Variants in MTUS1 observed in about 807,000 individuals in gnomAD.
MTUS1 encodes the protein microtubule associated scaffold protein 1, also known as microtubule-associated tumor suppressor 1.
In MTUS1, 109 loss-of-function variants were observed where a neutral mutation model predicts 120.8. The ratio of observed to expected loss-of-function variants is 0.90; its 90% CI spans 0.77 to 1.06. The LOEUF is 1.06. MTUS1 is among the 50% of genes least tolerant of loss of function. MTUS1 has a pLI of 0.00. For synonymous variants in MTUS1, 737 were observed against 550.5 expected (o/e 1.34, Z -4.74); for missense variants, 2,210 against 1,486.3 (o/e 1.49, Z -8.01).
chr8:17,676,468 C>G (rs982217846), intron 7 of MTUS1: 1 of 637,290 alleles, frequency 1.6e-6, no homozygotes, highest in African/African-American at 1.8e-5. Flanking sequence ...GGGCGTCTTA[C>G]TTCATGTCCT....
At chr8:17,739,229 C>T (rs2047140946) in intron 3 of MTUS1, among the ~76,000 whole-genome samples, 2 of 152,260 alleles carry the variant, frequency 1.3e-5, no homozygotes, top group South Asian at 4.1e-4. Context: ...CGCGGTGGCT[C>T]ACTCCTGTAA....
chr8:17,761,677 A>G (rs555558398), intron 1 of MTUS1, among the ~76,000 whole-genome samples: 4 of 152,356 alleles, frequency 2.6e-5, no homozygotes, highest in Admixed American at 1.3e-4. Flanking sequence ...AATGTTTCCA[A>G]AAGTAAAACA....
chr8:17,800,284 T>C (rs2052576496), intron 1 of MTUS1, among the ~76,000 whole-genome samples: 1 of 152,140 alleles, frequency 6.6e-6, no homozygotes, highest in Non-Finnish European at 1.5e-5. Flanking sequence ...TGACTTTCGA[T>C]CACCTGCACC....
chr8:17,678,525 G>A (rs1194265117), intron 7 of MTUS1, among the ~76,000 whole-genome samples: 2 of 152,268 alleles, frequency 1.3e-5, no homozygotes, highest in East Asian at 3.9e-4. Flanking sequence ...CGGTGTGCCT[G>A]CATTTTTGCT....
chr8:17,702,237 C>A (rs183440151), intron 6 of MTUS1, among the ~76,000 whole-genome samples: 3 of 152,304 alleles, frequency 2.0e-5, no homozygotes. Flanking sequence ...TATTCTTCGC[C>A]AGTACCAGGT....
chr8:17,738,057 G>A (rs999809705), intron 3 of MTUS1, among the ~76,000 whole-genome samples: 2 of 152,216 alleles, frequency 1.3e-5, no homozygotes, highest in African/African-American at 2.4e-5. Flanking sequence ...GCAAGTCACT[G>A]CAAGTTTCGG....
At chr8:17,699,466 C>T (rs576542193) in intron 6 of MTUS1, among the ~76,000 whole-genome samples, 99 of 152,264 alleles carry the variant, frequency 6.5e-4, no homozygotes, top group African/African-American at 2.3e-3. Flanking sequence ...CCACACACCT[C>T]GGCCTCCCAA....
At chr8:17,745,980 G>A (rs999511036) in intron 2 of MTUS1, among the ~76,000 whole-genome samples, 1 of 152,152 alleles carries the variant, frequency 6.6e-6, no homozygotes, top group African/African-American at 2.4e-5. Flanking sequence ...GTTTAAAAGG[G>A]TGTGTCACCT....
chr8:17,653,113 G>T, intron 12 of MTUS1, 73 bp downstream of exon 12: 1 of 791,938 alleles, frequency 1.3e-6, no homozygotes, highest in Non-Finnish European at 2.0e-6. Flanking sequence ...TCTGGCTGCT[G>T]AGTACTTGAA....
At chr8:17,801,189 CGCGCG>C (rs1563417886), upstream of MTUS1, among the ~76,000 whole-genome samples, 1 of 151,646 alleles carries the variant, frequency 6.6e-6, no homozygotes, top group Non-Finnish European at 1.5e-5. Context: ...CACCTGGGGG[CGCGCG>C]GCGCGGCACC....
At chr8:17,768,789 C>T (rs1166664456) in intron 1 of MTUS1, among the ~76,000 whole-genome samples, 1 of 152,060 alleles carries the variant, frequency 6.6e-6, no homozygotes, top group Admixed American at 6.5e-5. Flanking sequence ...GGTGGGCAGA[C>T]AGCATTCCAA....
chr8:17,770,414 A>G (rs953630120), intron 1 of MTUS1: 2 of 152,332 alleles, frequency 1.3e-5, no homozygotes, highest in African/African-American at 4.8e-5. Flanking sequence ...AATCAACCAT[A>G]CCAAGCTAAC....
Position 17,653,169 on chromosome 8 carries a change from G to A in MTUS1, c.3384+17C>T, listed in dbSNP as rs760226457. 6 of 1,406,556 alleles carry A rather than the reference G, an allele frequency of 4.3e-6. No homozygotes were observed. Among genetic ancestry groups the A allele is most frequent in the South Asian group, 1.3e-5 (1 of 76,424 alleles). 87.1% of individuals were successfully genotyped at this position (1,406,556 alleles called of 1,614,324 possible). A position where few individuals can be genotyped will look rare whatever the true frequency, so the allele number is the denominator to read the frequency against. ...GAAGAAAAATTCCATACTGATAAAG[G>A]AGCACACACAACTTACCAAATTTGC... On this transcript the variant is annotated intron_variant, in intron 12 of 14. Transcript: ENST00000693296.
At chr8:17,761,486 G>C (rs1291570601) in intron 1 of MTUS1, among the ~76,000 whole-genome samples, 2 of 152,172 alleles carry the variant, frequency 1.3e-5, no homozygotes, top group Non-Finnish European at 2.9e-5. Flanking sequence ...CAAATCAGTT[G>C]TCAATAGCAG....
intron 3 of MTUS1, among the ~76,000 whole-genome samples, chr8:17,739,029 G>C (rs77482097): frequency 1.3e-5 from 2 of 151,700 alleles, no homozygotes. Flanking sequence ...TGTGATACCA[G>C]GTACATGGGA....
chr8:17,759,040 C>G (rs2048838837), intron 1 of MTUS1, among the ~76,000 whole-genome samples: 1 of 152,072 alleles, frequency 6.6e-6, no homozygotes, highest in Non-Finnish European at 1.5e-5. Context: ...CGCCACCATG[C>G]CCGGCTCATT....
At chr8:17,711,042 AAATACGCT>A (rs1409672003) in intron 6 of MTUS1, among the ~76,000 whole-genome samples, 3 of 152,202 alleles carry the variant, frequency 2.0e-5, no homozygotes, top group African/African-American at 7.2e-5. Context: ...TACTGTAAAC[AAATACGCT>A]GTCATCCAGG....
intron 1 of MTUS1, among the ~76,000 whole-genome samples, chr8:17,773,388 T>G (rs953872644): frequency 6.6e-6 from 1 of 152,172 alleles, no homozygotes; most frequent in Non-Finnish European, 1.5e-5. Flanking sequence ...AAGCCCAGTG[T>G]CTATATCAAT....
At chr8:17,651,038 A>G (rs1164419861) in intron 12 of MTUS1, among the ~76,000 whole-genome samples, 2 of 152,226 alleles carry the variant, frequency 1.3e-5, no homozygotes, top group Non-Finnish European at 2.9e-5. Context: ...TCACACAGAA[A>G]GAGGAAACGT....
Sources: allele counts gnomAD v4.1 joint callset (sites outside exome capture counted in the v4.1 genomes callset), GRCh38; gene constraint gnomAD v4.1.1; transcripts MANE v1.5; gene names NCBI Gene and HGNC (gene_info 2026-07-23, HGNC 2026-07-21).